Variants in CPLANE1 observed in about 807,000 individuals in gnomAD.
The protein encoded by CPLANE1 is ciliogenesis and planar polarity effector 1.
A neutral mutation model predicts 362.5 loss-of-function variants in CPLANE1; 263 were observed. The observed-to-expected ratio is 0.73, with a 90% CI of 0.66 to 0.80. CPLANE1 has a LOEUF of 0.80. Ranked by LOEUF, CPLANE1 falls within the 30% of genes least tolerant of loss-of-function variation. The pLI is 0.00. For synonymous variants in CPLANE1, 1,212 were observed against 1,302.6 expected (o/e 0.93, Z 1.50); for missense variants, 3,461 against 3,793.4 (o/e 0.91, Z 2.30).
In CPLANE1 at chr5:37,239,888, A is replaced by G; in HGVS notation, c.678-19T>C. On this transcript the variant is annotated intron_variant, in intron 6 of 52. Coordinates refer to ENST00000651892, the MANE Select transcript of CPLANE1 (RefSeq NM_001384732.1). ...CAATGATCTAAAAAAGTAATGAAAT[A>G]ATTGAAAACAAAAGGTATAGTAACT... 1 of 1,434,552 alleles carries G rather than the reference A, an allele frequency of 7.0e-7. No individual in the cohort carries two copies. The highest frequency in any genetic ancestry group is 9.3e-7 in the Non-Finnish European group (1 of 1,080,548). The allele number at this position is 1,434,552 out of a possible 1,614,324, so 88.9% of individuals were successfully genotyped here. A position where few individuals can be genotyped will look rare whatever the true frequency, so the allele number is the denominator to read the frequency against.
rs1796774075 is a variant in CPLANE1 at position 37,227,787 on chromosome 5, A to C, written c.1152T>G (p.Asn384Lys). Residue 384 changes from asparagine to lysine, a missense_variant, in exon 10 of 53, where the codon AAT (asparagine) becomes AAG (lysine). Physicochemically the swap from Asn to Lys is moderately conservative, Grantham distance 94 (BLOSUM62 0). Coordinates refer to ENST00000651892, the MANE Select transcript of CPLANE1 (RefSeq NM_001384732.1). ...RPQQFTFQDS[N>K]NSVDSSASDS... ...CAGAAGCTGATGAATCAACAGAATTATTTGAATCTTGAAACGTAAACTGCT... is the reference window on the plus strand; with the variant it reads ...CAGAAGCTGATGAATCAACAGAATTCTTTGAATCTTGAAACGTAAACTGCT... 1 of 1,551,228 alleles carries C rather than the reference A, an allele frequency of 6.4e-7. No individual in the cohort carries two copies. Among genetic ancestry groups the C allele is most frequent in the Non-Finnish European group, 8.7e-7 (1 of 1,146,748 alleles).
Position 37,239,833 on chromosome 5 carries a change from G to T in CPLANE1, c.714C>A (p.Asp238Glu). 6.5e-7 allele frequency: 1 copy of T among 1,533,836 alleles called. No individual in the cohort carries two copies. Among genetic ancestry groups the T allele is most frequent in the Non-Finnish European group, 8.8e-7 (1 of 1,136,970 alleles). The change falls in exon 7 of 53, where the codon GAC becomes GAA. Residue 238 changes from aspartate to glutamate, a missense_variant. By Grantham distance (45) the Asp-to-Glu change is conservative (BLOSUM62 2). Transcript: ENST00000651892. ...LPYHVHWAQQ[D>E]CHLCSLIPKC... Reference sequence around the variant, plus strand: ...TAGGAATTAAACTACAGAGATGACAGTCTTGTTGAGCCCAATGAACATGGT... The same window carrying T: ...TAGGAATTAAACTACAGAGATGACATTCTTGTTGAGCCCAATGAACATGGT...
intron 16 of CPLANE1, among the ~76,000 whole-genome samples, chr5:37,206,965 G>T (rs1289659640): frequency 6.6e-6 from 1 of 151,856 alleles, no homozygotes; most frequent in Non-Finnish European, 1.5e-5. Context: ...ACTAAGTTGA[G>T]GTAACAATGA....
chr5:37,242,915 T>C (rs2150762399), intron 6 of CPLANE1, 98 bp downstream of exon 6: 2 of 728,450 alleles, frequency 2.7e-6, no homozygotes, highest in African/African-American at 1.9e-5. Flanking sequence ...TGAGCTATGA[T>C]TGTGCCACTA....
rs375057705 is a variant in CPLANE1 at position 37,196,021 on chromosome 5, T to C, written c.3673-25A>G. The C allele has an allele frequency of 2.5e-6, 4 of 1,576,502 alleles. No individual in the cohort carries two copies. In the African/African-American group the frequency reaches 5.5e-5, roughly 22 times the overall value. Reference sequence around the variant, plus strand: ...TCTAAAAGTAAAGAATAACCGAACATGTTAATTATCAGCTGTATAAATCAC... The same window carrying C: ...TCTAAAAGTAAAGAATAACCGAACACGTTAATTATCAGCTGTATAAATCAC... On this transcript the variant is annotated intron_variant, in intron 20 of 52. Coordinates refer to ENST00000651892, the MANE Select transcript of CPLANE1 (RefSeq NM_001384732.1).
At chr5:37,206,552 G>A (rs2150132473) in intron 16 of CPLANE1, 127 bp from the exon 17 acceptor site, 1 of 640,394 alleles carries the variant, frequency 1.6e-6, no homozygotes, top group Middle Eastern at 4.2e-4. Context: ...CATACAAAAT[G>A]GGCTAAAGTA....
rs866972588 is a variant in CPLANE1 at position 37,136,379 on chromosome 5, T to C, written c.8792+2341A>G. Among the ~76,000 whole-genome samples the C allele has an allele frequency of 2.0e-4, 31 of 152,360 alleles. 1 individual carries two copies. In the Middle Eastern group the frequency reaches 0.014, roughly 67 times the overall value. On this transcript the variant is annotated intron_variant, in intron 46 of 52. Coordinates refer to ENST00000651892, the MANE Select transcript of CPLANE1 (RefSeq NM_001384732.1). The stretch of plus-strand genomic sequence containing the variant: ...GGTCATGCTGATGCAAGAGGTGGGT[T>C]CCCATGGTCTTGGACAGCTCTGTCC...
At position 37,107,270 on chromosome 5, in the gene CPLANE1, TA is replaced by T. The variant is rs963611326; in HGVS notation, c.*331del. ...TTGTTTCTCAAAACTCAGAGGGTAA[TA>T]AAGGAGGAGGCAAGATAGAGGGTTT... is the stretch of plus-strand genomic sequence containing the variant. On this transcript the variant is annotated 3_prime_UTR_variant, in exon 53 of 53. Transcript: ENST00000651892. 1 of 1,039,092 alleles carries T rather than the reference TA, an allele frequency of 9.6e-7. No individual in the cohort carries two copies. Among genetic ancestry groups the T allele is most frequent in the African/African-American group, 1.7e-5 (1 of 59,316 alleles). The allele number at this position is 1,039,092 out of a possible 1,614,324, so 64.4% of individuals were successfully genotyped here.
rs138300397 is a variant in CPLANE1 at position 37,107,497 on chromosome 5, T to C, written c.*105A>G. 145 of 1,322,042 alleles carry C rather than the reference T, an allele frequency of 1.1e-4. 1 individual carries two copies. In the East Asian group the frequency reaches 4.1e-3, roughly 37 times the overall value. 81.9% of individuals were successfully genotyped at this position (1,322,042 alleles called of 1,614,324 possible). A position where few individuals can be genotyped will look rare whatever the true frequency, so the allele number is the denominator to read the frequency against. On this transcript the variant is annotated 3_prime_UTR_variant, in exon 53 of 53. Transcript: ENST00000651892. ...AATAATATGAAAGCAAATGGAAAAT[T>C]CACATTGCTTCTTTCATTGCTTCTG...
At chr5:37,135,213 A>C (rs1442848807) in intron 46 of CPLANE1, among the ~76,000 whole-genome samples, 3 of 152,144 alleles carry the variant, frequency 2.0e-5, no homozygotes, top group Admixed American at 2.0e-4. Context: ...TGTTTACCCA[A>C]AAGTCATTCA....
the CPLANE1 span, among the ~76,000 whole-genome samples, chr5:37,086,096 A>C: frequency 1.3e-5 from 2 of 152,216 alleles, no homozygotes; most frequent in East Asian, 3.8e-4. Flanking sequence ...CAGCAACACA[A>C]TAATAGTGGG....
chr5:37,182,786 A>G lies in CPLANE1; in HGVS notation c.5395T>C (p.Tyr1799His), dbSNP rs1307424292. 1.2e-6 allele frequency: 2 copies of G among 1,611,262 alleles called. No homozygotes were observed. Among genetic ancestry groups the G allele is most frequent in the African/African-American group, 2.7e-5 (2 of 74,762 alleles). ...WLLEQPYFATYKAKNAIIKMV... is the reference protein window; with the variant it reads ...WLLEQPYFATHKAKNAIIKMV... ...TTAATAATGGCATTTTTTGCCTTAT[A>G]TGTAGCAAAATAGGGTTGTTCCAAA... The change falls in exon 26 of 53, where the codon TAT (tyrosine) becomes CAT (histidine). Residue 1799 changes from tyrosine (Y) to histidine (H), a missense_variant. Tyr to His is a moderately conservative substitution (Grantham distance 83). Transcript: ENST00000651892.
At chr5:37,147,884 G>GCCAATGGCTTGGAAT (rs947249092) in intron 43 of CPLANE1, among the ~76,000 whole-genome samples, 3 of 144,130 alleles carry the variant, frequency 2.1e-5, no homozygotes, top group African/African-American at 7.9e-5. Flanking sequence ...GCACTATGAG[G>GCCAATGGCTTGGAAT]CCAATGGCTT....
At chr5:37,233,417 C>A (rs1167233770) in intron 8 of CPLANE1, among the ~76,000 whole-genome samples, 1 of 152,032 alleles carries the variant, frequency 6.6e-6, no homozygotes, top group Non-Finnish European at 1.5e-5. Context: ...CCCAAGGTAC[C>A]ATTTTGACTG....
chr5:37,219,056 A>G (rs183711527), intron 15 of CPLANE1, among the ~76,000 whole-genome samples: 1 of 152,010 alleles, frequency 6.6e-6, no homozygotes, highest in African/African-American at 2.4e-5. Flanking sequence ...AATAAAGACT[A>G]TCCTGTCATT....
Position 37,247,681 on chromosome 5 carries a change from T to A in CPLANE1, c.18A>T (p.Glu6Asp). The A allele has an allele frequency of 1.3e-6, 2 of 1,550,450 alleles. No individual in the cohort carries two copies. The highest frequency in any genetic ancestry group is 1.7e-6 in the Non-Finnish European group (2 of 1,145,910). ...GCTTAATACCTGTTGATGTCAAGAT[T>A]TCTAATCTTATCTCCATGTTTGTTA... is the stretch of plus-strand genomic sequence containing the variant. MEIRL[E>D]ILTSTGIKQK... Residue 6 changes from glutamate to aspartate, a missense_variant, in exon 2 of 53, where the codon GAA becomes GAT. Physicochemically the swap from Glu to Asp is conservative, Grantham distance 45. Around this residue, in one of 2 missense-constraint regions of CPLANE1, gnomAD observed 3,380 missense variants for 3,666.1 expected, o/e 0.92. Transcript: ENST00000651892.
chr5:37,225,045 G>A (rs1042813177), intron 12 of CPLANE1, among the ~76,000 whole-genome samples: 4 of 145,834 alleles, frequency 2.7e-5, no homozygotes, highest in African/African-American at 5.1e-5. Context: ...TCAGCCTCCC[G>A]AACAGGTGAG....
rs188524901 is a variant in CPLANE1 at position 37,234,031 on chromosome 5, A to C, written c.939-2982T>G. ...ACACTACTACAAGTATGCAAAATCA[A>C]AGCCAAAGTATCCTACTCAATCAAC... On this transcript the variant is annotated intron_variant, in intron 8 of 52. Transcript: ENST00000651892. 4.0e-3 allele frequency among the ~76,000 whole-genome samples: 606 copies of C among 152,348 alleles called. 4 individuals are homozygous for C. The highest frequency in any genetic ancestry group is 6.3e-3 in the Non-Finnish European group (430 of 68,026).
chr5:37,179,474 G>C, intron 28 of CPLANE1, 31 bp from the exon 29 acceptor site: 2 of 1,469,736 alleles, frequency 1.4e-6, no homozygotes, highest in African/African-American at 2.8e-5. Flanking sequence ...AGAGAAAACT[G>C]ATCATTTAAA....
Sources: gnomAD v4.1 joint callset for allele counts (sites outside exome capture counted in the v4.1 genomes callset) on GRCh38, gnomAD v4.1.1 for gene constraint, gnomAD v4.1.1 regional missense constraint, MANE v1.5 for transcripts, NCBI Gene and HGNC (gene_info 2026-07-23, HGNC 2026-07-21) for gene names.